Variants in IFT81 observed in about 807,000 individuals in gnomAD.
IFT81 encodes the protein intraflagellar transport protein 81 homolog.
In IFT81, 72 loss-of-function variants were observed where a neutral mutation model predicts 102.6. The observed-to-expected ratio is 0.70, with a 90% CI of 0.58 to 0.85. The LOEUF (loss-of-function observed/expected upper bound fraction) is 0.85, where lower values mean the gene tolerates loss of function less well. Ranked by LOEUF, IFT81 falls within the 40% of genes least tolerant of loss-of-function variation. The pLI is 0.00. For missense variants in IFT81, 723 were observed against 787.3 expected (o/e 0.92, Z 0.98); for synonymous variants, 237 against 242.7 (o/e 0.98, Z 0.22).
intron 12 of IFT81, among the ~76,000 whole-genome samples, chr12:110,189,992 A>G (rs1897714519): frequency 6.6e-6 from 1 of 152,154 alleles, no homozygotes. Flanking sequence ...AACTTGAACT[A>G]TTGAGACGGT....
Position 110,203,928 on chromosome 12 carries a change from G to T in IFT81, c.1622G>T (p.Ser541Ile). ...GATAGCTGTGCAGCAGGCCTCGAAA[G>T]CAATCGGTCCAAATTAGAACAGGTA... ...QYDSCAAGLE[S>I]NRSKLEQEVR... Residue 541 changes from serine to isoleucine, a missense_variant, in exon 15 of 19, where the codon AGC (serine) becomes ATC (isoleucine). Physicochemically the swap from Ser to Ile is moderately radical, Grantham distance 142. Transcript: ENST00000242591. 6.2e-7 allele frequency: 1 copy of T among 1,612,998 alleles called. No homozygotes were observed. Among genetic ancestry groups the T allele is most frequent in the Non-Finnish European group, 8.5e-7 (1 of 1,179,180 alleles).
At chr12:110,165,622 T>C (rs896850801) in intron 11 of IFT81, among the ~76,000 whole-genome samples, 1 of 152,196 alleles carries the variant, frequency 6.6e-6, no homozygotes, top group Non-Finnish European at 1.5e-5. Flanking sequence ...ACTTTGCAAA[T>C]AGATACTTTT....
At chr12:110,206,891 A>G (rs571254377) in intron 17 of IFT81, among the ~76,000 whole-genome samples, 1 of 152,314 alleles carries the variant, frequency 6.6e-6, no homozygotes, top group African/African-American at 2.4e-5. Flanking sequence ...CAATGATAAG[A>G]AATGAGAAAA....
At chr12:110,160,252 C>T (rs1040325981) in intron 10 of IFT81, among the ~76,000 whole-genome samples, 1 of 152,278 alleles carries the variant, frequency 6.6e-6, no homozygotes, top group African/African-American at 2.4e-5. Flanking sequence ...TCATGATAGA[C>T]CATCTGCAAG....
rs111381225 is a variant in IFT81 at position 110,154,284 on chromosome 12, G to A, written c.1041+7236G>A. Among the ~76,000 whole-genome samples, 750 of 150,078 alleles carry A rather than the reference G, an allele frequency of 5.0e-3. 5 individuals carry two copies. The highest frequency in any genetic ancestry group is 0.018 in the African/African-American group (730 of 40,798). On this transcript the variant is annotated intron_variant, in intron 10 of 18. Coordinates refer to ENST00000242591, the MANE Select transcript of IFT81 (RefSeq NM_014055.4). Reference sequence around the variant, plus strand: ...AGAGCTTGCAATGAGCCGAGATCACGCCATTGCACTCCAGCCCAGGCAACA... The same window carrying A: ...AGAGCTTGCAATGAGCCGAGATCACACCATTGCACTCCAGCCCAGGCAACA...
intron 7 of IFT81, among the ~76,000 whole-genome samples, chr12:110,135,738 ATG>A (rs1254248940): frequency 6.6e-6 from 1 of 151,942 alleles, no homozygotes; most frequent in Non-Finnish European, 1.5e-5. Flanking sequence ...ATGGTGGCAC[ATG>A]CCTGTAGTCC....
At chr12:110,133,750 C>T (rs778747937) in intron 5 of IFT81, among the ~76,000 whole-genome samples, 3 of 152,032 alleles carry the variant, frequency 2.0e-5, no homozygotes, top group South Asian at 2.1e-4. Context: ...TGTTGTAATC[C>T]GCCTCTTTCA....
chr12:110,156,355 C>CTTCCTAGTATCTT (rs1895836345), intron 10 of IFT81, among the ~76,000 whole-genome samples: 1 of 151,054 alleles, frequency 6.6e-6, no homozygotes, highest in African/African-American at 2.4e-5. Flanking sequence ...CTTTGAGTTA[C>CTTCCTAGTATCTT]TTCCTAGTAT....
intron 18 of IFT81, among the ~76,000 whole-genome samples, chr12:110,211,148 C>T (rs558036067): frequency 3.3e-5 from 5 of 150,042 alleles, no homozygotes; most frequent in Admixed American, 6.6e-5. Context: ...GCACGAGCCA[C>T]GACACCTGGA....
chr12:110,195,640 G>A (rs1337054892), intron 14 of IFT81, among the ~76,000 whole-genome samples: 3 of 151,896 alleles, frequency 2.0e-5, no homozygotes. Flanking sequence ...CCTACTTCTC[G>A]CTTTGGTTTT....
chr12:110,159,890 T>C (rs754482028), intron 10 of IFT81, among the ~76,000 whole-genome samples: 1 of 152,208 alleles, frequency 6.6e-6, no homozygotes, highest in Non-Finnish European at 1.5e-5. Flanking sequence ...TGATTGAAAT[T>C]AGCCTCACTT....
chr12:110,215,849 A>G (rs1344784515), intron 18 of IFT81, among the ~76,000 whole-genome samples: 1 of 152,044 alleles, frequency 6.6e-6, no homozygotes, highest in Admixed American at 6.6e-5. Flanking sequence ...TTTAGAGTCA[A>G]TGAGTAAAAC....
In IFT81 at chr12:110,172,284, G is replaced by GCCTCTGCCTCTGCCTCTGCCTCTGCCT. The variant is rs1270804815; in HGVS notation, c.1189-8127_1189-8101dup. 5.3e-5 allele frequency among the ~76,000 whole-genome samples: 8 copies of GCCTCTGCCTCTGCCTCTGCCTCTGCCT among 151,136 alleles called. No homozygotes were observed. The East Asian group carries it at 1.6e-3, about 30-fold the overall frequency. On this transcript the variant is annotated intron_variant, in intron 11 of 18. Coordinates refer to ENST00000242591, the MANE Select transcript of IFT81 (RefSeq NM_014055.4). ...GTCTCCACTAAAAATAGAAAAATTT[G>GCCTCTGCCTCTGCCTCTGCCTCTGCCT]CCTCTGCCTCTGCCTCTGCCTCTGC...
At chr12:110,160,165 A>T (rs750674747) in intron 10 of IFT81, among the ~76,000 whole-genome samples, 2 of 152,220 alleles carry the variant, frequency 1.3e-5, no homozygotes, top group Non-Finnish European at 2.9e-5. Context: ...TTGGTTAGTC[A>T]GAACTAATAG....
intron 5 of IFT81, among the ~76,000 whole-genome samples, chr12:110,134,556 T>A (rs1237414268): frequency 6.6e-6 from 1 of 152,224 alleles, no homozygotes; most frequent in Non-Finnish European, 1.5e-5. Flanking sequence ...GCAAAATATA[T>A]GGCTTGGTAT....
intron 14 of IFT81, among the ~76,000 whole-genome samples, chr12:110,201,170 A>C (rs1393184971): frequency 6.6e-6 from 1 of 152,094 alleles, no homozygotes; most frequent in Admixed American, 6.5e-5. Context: ...TGGGAGGCCA[A>C]GGCGAGCAGA....
At chr12:110,208,587 A>G (rs1303403095) in intron 17 of IFT81, among the ~76,000 whole-genome samples, 1 of 152,176 alleles carries the variant, frequency 6.6e-6, no homozygotes, top group Non-Finnish European at 1.5e-5. Flanking sequence ...TTATAGATTT[A>G]CCTCATTCTT....
At chr12:110,192,166 G>A (rs1344628569) in intron 13 of IFT81, among the ~76,000 whole-genome samples, 1 of 145,594 alleles carries the variant, frequency 6.9e-6, no homozygotes, top group East Asian at 2.0e-4. Flanking sequence ...GCAAGACTCT[G>A]TCTCAAAAAA....
chr12:110,144,186 GTTGTTGTTGTTGTTT>G (rs1288563738), intron 9 of IFT81, among the ~76,000 whole-genome samples: 5 of 146,388 alleles, frequency 3.4e-5, no homozygotes, highest in Non-Finnish European at 7.6e-5. Flanking sequence ...CTAATTTTTT[GTTGTTGTTGTTGTTT>G]TTGTTGTTGT....
Sources: allele counts gnomAD v4.1 joint callset (sites outside exome capture counted in the v4.1 genomes callset), GRCh38; gene constraint gnomAD v4.1.1; transcripts MANE v1.5; gene names NCBI Gene and HGNC (gene_info 2026-07-23, HGNC 2026-07-21).